TMEM51: variants seen among roughly 807,000 people sequenced by gnomAD.
The protein encoded by TMEM51 is transmembrane protein 51, also known as chromosome 1 open reading frame 72.
TMEM51 carries 8 observed loss-of-function variants against 13.6 expected under a neutral mutation model. That is an observed-to-expected ratio of 0.59 (90% CI 0.35 to 1.07). The LOEUF (loss-of-function observed/expected upper bound fraction) is 1.07, where lower values mean the gene tolerates loss of function less well. TMEM51 is among the 50% of genes least tolerant of loss of function. The pLI is 0.02. For missense variants in TMEM51, 279 were observed against 330.7 expected, an observed-to-expected ratio of 0.84 and a Z score of 1.21; for synonymous variants, 147 against 144.4, an observed-to-expected ratio of 1.02 and a Z score of -0.13.
chr1:15,193,220 C>A (rs1643970390), intron 1 of TMEM51, among the ~76,000 whole-genome samples: 1 of 152,228 alleles, frequency 6.6e-6, no homozygotes, highest in Non-Finnish European at 1.5e-5. Context: ...CATGGAGGTA[C>A]CTCTCCTAGT....
rs142072387 is a variant in TMEM51 at position 15,219,417 on chromosome 1, A to T, written c.436A>T (p.Arg146Trp). Reference sequence around the variant, plus strand: ...GATGAACACAAACTACTCAGAAGCAAGGGGAGAGGAGCAGAACCCGAGGTT... The same window carrying T: ...GATGAACACAAACTACTCAGAAGCATGGGGAGAGGAGCAGAACCCGAGGTT... The part of the protein sequence containing the change: ...EVMNTNYSEA[R>W]GEEQNPRLSI... The change falls in exon 4 of 4, where the codon AGG becomes TGG. Residue 146 changes from arginine (R) to tryptophan (W), a missense_variant. By Grantham distance (101) the Arg-to-Trp change is moderately radical. Transcript: ENST00000376008. The T allele has an allele frequency of 1.1e-5, 18 of 1,613,800 alleles. No individual in the cohort carries two copies. In the African/African-American group the frequency reaches 2.3e-4, roughly 20 times the overall value.
intron 1 of TMEM51, among the ~76,000 whole-genome samples, chr1:15,163,901 T>C (rs1642892218): frequency 1.3e-5 from 2 of 151,436 alleles, no homozygotes; most frequent in African/African-American, 2.4e-5. Context: ...TGGTCTCGGC[T>C]CACAGCAACC....
chr1:15,194,808 C>T (rs1319147226), intron 1 of TMEM51, among the ~76,000 whole-genome samples: 1 of 151,978 alleles, frequency 6.6e-6, no homozygotes, highest in Non-Finnish European at 1.5e-5. Context: ...TTATCCCCTA[C>T]CTTACGTTTT....
chr1:15,198,149 C>T (rs1644087878), intron 1 of TMEM51, among the ~76,000 whole-genome samples: 1 of 152,108 alleles, frequency 6.6e-6, no homozygotes, highest in African/African-American at 2.4e-5. Flanking sequence ...CCAACCATCA[C>T]ATCTGCACTA....
chr1:15,152,769 G>GAA (rs767354035), upstream of TMEM51: 54,316 of 151,902 alleles, frequency 0.36, 11,271 homozygotes, highest in East Asian at 0.6. Context: ...TCCAAGGGGC[G>GAA]GAGGCAGAGC....
chr1:15,214,306 G>A (rs914797369), intron 2 of TMEM51, among the ~76,000 whole-genome samples: 3 of 152,172 alleles, frequency 2.0e-5, no homozygotes, highest in African/African-American at 7.2e-5. Flanking sequence ...GGTGGTTGGG[G>A]GTGGGTAGTG....
chr1:15,214,006 C>CCT (rs1644383448), intron 2 of TMEM51, among the ~76,000 whole-genome samples: 1 of 124,204 alleles, frequency 8.1e-6, no homozygotes, highest in Non-Finnish European at 1.7e-5. Flanking sequence ...AGCACCCAGC[C>CCT]TTTTTTTTTT....
intron 1 of TMEM51, among the ~76,000 whole-genome samples, chr1:15,159,422 C>T (rs949425022): frequency 6.6e-6 from 1 of 152,212 alleles, no homozygotes; most frequent in Non-Finnish European, 1.5e-5. Context: ...ACTAGGAATT[C>T]ATGTTTATCC....
intron 1 of TMEM51, among the ~76,000 whole-genome samples, chr1:15,181,606 C>A (rs772476333): frequency 1.1e-4 from 17 of 152,208 alleles, no homozygotes; most frequent in Non-Finnish European, 2.2e-4. Context: ...AAACGATGAG[C>A]TTCCCACCCC....
Position 15,207,469 on chromosome 1 carries a change from A to G in TMEM51, c.-266-3021A>G, listed in dbSNP as rs1644270855. Reference sequence around the variant, plus strand: ...GGGCAGCGCTGCTTTCCATCGTCCCATCTTATTTCAGTCGTTGTCTTCACG... The same window carrying G: ...GGGCAGCGCTGCTTTCCATCGTCCCGTCTTATTTCAGTCGTTGTCTTCACG... On this transcript the variant is annotated intron_variant, in intron 1 of 3. Coordinates refer to ENST00000376008, the MANE Select transcript of TMEM51 (RefSeq NM_001136218.2). The surrounding 1 kb of genome is among the most constrained non-coding windows in gnomAD (Gnocchi z 4.6). Among the ~76,000 whole-genome samples, 1 of 152,156 alleles carries G rather than the reference A, an allele frequency of 6.6e-6. No homozygotes were observed. Among genetic ancestry groups the G allele is most frequent in the Non-Finnish European group, 1.5e-5 (1 of 68,032 alleles).
chr1:15,215,035 T>G lies in TMEM51; in HGVS notation c.-53T>G. 6.6e-7 allele frequency: 1 copy of G among 1,519,180 alleles called. No homozygotes were observed. The highest frequency in any genetic ancestry group is 8.9e-7 in the Non-Finnish European group (1 of 1,122,698). The allele number at this position is 1,519,180 out of a possible 1,614,324, so 94.1% of individuals were successfully genotyped here. On this transcript the variant is annotated 5_prime_UTR_variant, in exon 3 of 4. Coordinates refer to ENST00000376008, the MANE Select transcript of TMEM51 (RefSeq NM_001136218.2). The stretch of plus-strand genomic sequence containing the variant: ...GGGGTTTTTGTTGTGACTGCTGCCT[T>G]GTATACATTTATTTTCTTTCTTGGA...
chr1:15,175,292 C>T (rs551507961), intron 1 of TMEM51, among the ~76,000 whole-genome samples: 73 of 152,194 alleles, frequency 4.8e-4, no homozygotes, highest in African/African-American at 1.7e-3. Flanking sequence ...CCCAGCTATT[C>T]GGGAGGCTGA....
Position 15,215,245 on chromosome 1 carries a change from T to C in TMEM51, c.158T>C (p.Val53Ala), listed in dbSNP as rs757159227. ...GCTCAGGGCAGCAACAAGACCGAGG[T>C]GGGTGGCGGCATCCTCAAGAGCAAG... Reference protein sequence around the residue: ...PTAQGSNKTEVGGGILKSKTF... With the variant: ...PTAQGSNKTEAGGGILKSKTF... Residue 53 changes from valine to alanine, a missense_variant, in exon 3 of 4, where the codon GTG becomes GCG. Transcript: ENST00000376008. 6.2e-7 allele frequency: 1 copy of C among 1,613,880 alleles called. No individual in the cohort carries two copies. Among genetic ancestry groups the C allele is most frequent in the Non-Finnish European group, 8.5e-7 (1 of 1,180,006 alleles).
intron 2 of TMEM51, among the ~76,000 whole-genome samples, chr1:15,213,362 C>T (rs557438628): frequency 1.4e-3 from 213 of 152,334 alleles, no homozygotes; most frequent in Non-Finnish European, 2.5e-3. Flanking sequence ...AAAATATCTT[C>T]GCAGCATCAG....
intron 1 of TMEM51, among the ~76,000 whole-genome samples, chr1:15,200,988 G>A (rs992496855): frequency 5.9e-5 from 9 of 152,294 alleles, no homozygotes; most frequent in South Asian, 2.1e-4. Context: ...TGTGCCACAG[G>A]TGCCTCACAC....
rs149051134 is a variant in TMEM51 at position 15,170,114 on chromosome 1, A to C, written c.-267+16160A>C. On this transcript the variant is annotated intron_variant, in intron 1 of 3. Transcript: ENST00000376008. ...ATTCAACTATAAATGTACTTAAAAC[A>C]GTACATGCTCAATACATTTTTAGGT... Among the ~76,000 whole-genome samples, 80 of 152,346 alleles carry C rather than the reference A, an allele frequency of 5.3e-4. 1 individual carries two copies. The East Asian group carries it at 0.012, about 22-fold the overall frequency.
At chr1:15,192,449 T>TTCTTCTC in intron 1 of TMEM51, 1 of 161,774 alleles carries the variant, frequency 6.2e-6, no homozygotes, top group South Asian at 5.2e-5. Flanking sequence ...TTTCTTTCTT[T>TTCTTCTC]CTTTTCTTTT....
Position 15,160,554 on chromosome 1 carries a change from G to A in TMEM51, c.-267+6600G>A, listed in dbSNP as rs12073876. ...CTCTCAAAGTGCTAGGATTACAGGCGTGAGCCACCACACCCAGCAAGAACA... is the reference window on the plus strand; with the variant it reads ...CTCTCAAAGTGCTAGGATTACAGGCATGAGCCACCACACCCAGCAAGAACA... On this transcript the variant is annotated intron_variant, in intron 1 of 3. Transcript: ENST00000376008. Among the ~76,000 whole-genome samples the A allele has an allele frequency of 1.1e-3, 173 of 152,000 alleles. 3 individuals carry two copies. The highest frequency in any genetic ancestry group is 3.3e-3 in the African/African-American group (136 of 41,374).
chr1:15,165,231 A>G (rs1349870908), intron 1 of TMEM51, among the ~76,000 whole-genome samples: 1 of 152,162 alleles, frequency 6.6e-6, no homozygotes, highest in Non-Finnish European at 1.5e-5. Flanking sequence ...TGGGAGGATT[A>G]CATGAGCCCA....
Sources: allele counts gnomAD v4.1 joint callset (sites outside exome capture counted in the v4.1 genomes callset), GRCh38; gene constraint gnomAD v4.1.1; non-coding constraint Gnocchi (gnomAD v3.1); transcripts MANE v1.5; gene names NCBI Gene and HGNC (gene_info 2026-07-23, HGNC 2026-07-21).